LCLAT1: variants seen among roughly 807,000 people sequenced by gnomAD.
The protein encoded by LCLAT1 is lysocardiolipin acyltransferase 1.
In LCLAT1, 11 loss-of-function variants were observed where a neutral mutation model predicts 30.7. That is an observed-to-expected ratio of 0.36 (90% CI 0.23 to 0.59). The LOEUF (loss-of-function observed/expected upper bound fraction) is 0.59. Among genes scored for constraint, LCLAT1 ranks in the 20% least tolerant of loss-of-function variants. The pLI, the probability that LCLAT1 is intolerant of heterozygous loss-of-function variation, is 0.77. For missense variants in LCLAT1, 402 were observed against 458.6 expected, an observed-to-expected ratio of 0.88 and a Z score of 1.13; for synonymous variants, 155 against 151.3, an observed-to-expected ratio of 1.02 and a Z score of -0.18.
chr2:30,552,286 T>G (rs1377406834), intron 3 of LCLAT1, among the ~76,000 whole-genome samples: 2 of 152,206 alleles, frequency 1.3e-5, no homozygotes, highest in African/African-American at 4.8e-5. Flanking sequence ...GAAGCCTCAT[T>G]GTCAAGCAAG....
chr2:30,592,804 G>A (rs1163687041), intron 5 of LCLAT1, among the ~76,000 whole-genome samples: 1 of 152,090 alleles, frequency 6.6e-6, no homozygotes, highest in Non-Finnish European at 1.5e-5. Flanking sequence ...TTACTGATAT[G>A]TAACAGTTGT....
At chr2:30,637,489 G>A (rs184559578) in intron 5 of LCLAT1, among the ~76,000 whole-genome samples, 2 of 152,228 alleles carry the variant, frequency 1.3e-5, no homozygotes, top group East Asian at 3.9e-4. Flanking sequence ...CAAGGCAAGT[G>A]GTCAGCGCCA....
At chr2:30,598,410 TTTTC>T (rs1413698570) in intron 5 of LCLAT1, among the ~76,000 whole-genome samples, 8 of 146,706 alleles carry the variant, frequency 5.5e-5, no homozygotes, top group Admixed American at 1.4e-4. Context: ...TTCTTCTAGA[TTTTC>T]TTTTTTTTTT....
chr2:30,447,637 G>T (rs988514537), intron 1 of LCLAT1: 1 of 152,518 alleles, frequency 6.6e-6, no homozygotes, highest in African/African-American at 2.4e-5. Context: ...GAGGCGTCAG[G>T]TGCTGAGGGG....
At chr2:30,572,247 A>G (rs1375392770) in intron 5 of LCLAT1, among the ~76,000 whole-genome samples, 1 of 152,216 alleles carries the variant, frequency 6.6e-6, no homozygotes, top group East Asian at 1.9e-4. Context: ...TGTTTAGTGA[A>G]AAAAGTCATG....
rs574411710 is a variant in LCLAT1, at chr2:30,515,121, T to G, written c.-4-10466T>G. On this transcript the variant is annotated intron_variant, in intron 1 of 5. Transcript: ENST00000379509. ...TGATTAAGCCATGCTGTTTCAAATT[T>G]CTGTGACTCTGTAGGTTATTGCCTG... Among the ~76,000 whole-genome samples, 4 of 152,294 alleles carry G rather than the reference T, an allele frequency of 2.6e-5. No individual in the cohort carries two copies. The South Asian group carries it at 8.3e-4, about 32-fold the overall frequency.
At chr2:30,537,485 G>C (rs1439283314) in intron 3 of LCLAT1, among the ~76,000 whole-genome samples, 3 of 148,496 alleles carry the variant, frequency 2.0e-5, no homozygotes, top group African/African-American at 7.5e-5. Flanking sequence ...TAGTGATAAA[G>C]GGATCAATTC....
Position 30,644,146 on chromosome 2 carries a change from TTCAA to T in LCLAT1, c.*3529_*3532del, listed in dbSNP as rs1295440175. On this transcript the variant is annotated 3_prime_UTR_variant, in exon 6 of 6. Transcript: ENST00000379509. ...AATAACTCACAGAATGGCCTTAGTT[TTCAA>T]TGTCTGATGGTATATTTGTGAGTTG... 1.3e-5 allele frequency: 2 copies of T among 152,334 alleles called. No individual in the cohort carries two copies. The highest frequency in any genetic ancestry group is 1.3e-4 in the Admixed American group (2 of 15,304). The allele number at this position is 152,334 out of a possible 1,614,324, so 9.4% of individuals were successfully genotyped here.
chr2:30,486,251 T>A (rs2148319121), intron 1 of LCLAT1, among the ~76,000 whole-genome samples: 1 of 152,304 alleles, frequency 6.6e-6, no homozygotes, highest in African/African-American at 2.4e-5. Flanking sequence ...GTTAAAAAAA[T>A]TTAACATAAA....
intron 1 of LCLAT1, among the ~76,000 whole-genome samples, chr2:30,452,016 CAAA>C (rs1238547478): frequency 2.6e-5 from 4 of 152,116 alleles, no homozygotes; most frequent in Admixed American, 6.5e-5. Flanking sequence ...AATGAAGTCA[CAAA>C]GAAGTACAAT....
chr2:30,453,300 C>T lies in LCLAT1; in HGVS notation c.-5+5917C>T, dbSNP rs115221310. On this transcript the variant is annotated intron_variant, in intron 1 of 5. Coordinates refer to ENST00000379509, the MANE Select transcript of LCLAT1 (RefSeq NM_001002257.3). ...AGTGGTGGCGGCGGTTCTTCCAGCT[C>T]TTCCAGCTCCATGTGACTGGGAGTG... 9.4e-3 allele frequency among the ~76,000 whole-genome samples: 1,435 copies of T among 152,258 alleles called. 8 individuals are homozygous for T. The highest frequency in any genetic ancestry group is 0.051 in the Middle Eastern group (15 of 294).
intron 5 of LCLAT1, among the ~76,000 whole-genome samples, chr2:30,635,438 T>C (rs1246966209): frequency 4.6e-5 from 7 of 152,110 alleles, no homozygotes; most frequent in Non-Finnish European, 1.0e-4. Flanking sequence ...CTTTCTTCTC[T>C]CCACACCTAG....
At chr2:30,450,604 A>G (rs1273888169) in intron 1 of LCLAT1, among the ~76,000 whole-genome samples, 1 of 152,246 alleles carries the variant, frequency 6.6e-6, no homozygotes, top group African/African-American at 2.4e-5. Flanking sequence ...CTCTAGTTTT[A>G]AAGCTGATCT....
intron 1 of LCLAT1, among the ~76,000 whole-genome samples, chr2:30,506,932 A>T (rs1246217941): frequency 2.0e-5 from 3 of 152,208 alleles, no homozygotes; most frequent in Admixed American, 2.0e-4. Flanking sequence ...TGTGAAGCTT[A>T]CAAGAAGAGT....
intron 3 of LCLAT1, among the ~76,000 whole-genome samples, 200 bp downstream of exon 3, chr2:30,533,514 A>G (rs2148397052): frequency 6.6e-6 from 1 of 152,322 alleles, no homozygotes; most frequent in African/African-American, 2.4e-5. Context: ...TTACTCTGAA[A>G]GAGAAAATAA....
At chr2:30,619,042 T>C (rs185442136) in intron 5 of LCLAT1, among the ~76,000 whole-genome samples, 1 of 152,270 alleles carries the variant, frequency 6.6e-6, no homozygotes, top group Non-Finnish European at 1.5e-5. Context: ...ATTTTAGACA[T>C]GAGGAATTTA....
chr2:30,479,823 A>C (rs898092017), intron 1 of LCLAT1, among the ~76,000 whole-genome samples: 27 of 152,230 alleles, frequency 1.8e-4, no homozygotes, highest in Admixed American at 7.9e-4. Context: ...AAAAAGAAAA[A>C]AGTAAAAGAA....
At chr2:30,471,548 C>T (rs1229582305) in intron 1 of LCLAT1, among the ~76,000 whole-genome samples, 1 of 152,210 alleles carries the variant, frequency 6.6e-6, no homozygotes, top group South Asian at 2.1e-4. Context: ...TATATCCTTC[C>T]ATATATTAGA....
chr2:30,610,421 A>G (rs1286588352), intron 5 of LCLAT1, among the ~76,000 whole-genome samples: 4 of 152,156 alleles, frequency 2.6e-5, no homozygotes, highest in Admixed American at 2.0e-4. Context: ...TCTGATTAAG[A>G]TAGCTCCATA....
Sources: gnomAD v4.1 joint callset for allele counts (sites outside exome capture counted in the v4.1 genomes callset) on GRCh38, gnomAD v4.1.1 for gene constraint, MANE v1.5 for transcripts, NCBI Gene and HGNC (gene_info 2026-07-23, HGNC 2026-07-21) for gene names.